The following EDA variants were observed in gnomAD, a reference collection of about 807,000 sequenced individuals.
EDA encodes ectodysplasin-A.
In EDA, 2 loss-of-function variants were observed where a neutral mutation model predicts 23.6. That is an observed-to-expected ratio of 0.08 (90% confidence interval 0.03 to 0.27). The LOEUF (loss-of-function observed/expected upper bound fraction) is 0.27. Ranked by LOEUF, EDA falls within the 10% of genes least tolerant of loss-of-function variation. The pLI, the probability that EDA is intolerant of heterozygous loss-of-function variation, is 1.00. For synonymous variants in EDA, 131 were observed against 132.0 expected (o/e 0.99, Z 0.05); for missense variants, 229 against 324.2 (o/e 0.71, Z 2.26).
intron 1 of EDA, among the ~76,000 whole-genome samples, chrX:69,824,980 G>C (rs1252899298): frequency 1.2e-5 from 1 of 84,183 alleles, no homozygotes; most frequent in Non-Finnish European, 2.2e-5. Context: ...CTTTGGTTCT[G>C]TTTATATGCT....
intron 1 of EDA, among the ~76,000 whole-genome samples, chrX:69,650,086 A>G (rs1423650179): frequency 8.9e-6 from 1 of 111,876 alleles, no homozygotes; most frequent in African/African-American, 3.2e-5. Context: ...GATTTGGAGT[A>G]AGAAGACTTT....
intron 1 of EDA, among the ~76,000 whole-genome samples, chrX:69,650,944 T>C (rs1399456347): frequency 3.6e-5 from 4 of 110,365 alleles, no homozygotes; most frequent in African/African-American, 1.3e-4. Flanking sequence ...TTGGAGGAAC[T>C]AGAAAAAGAG....
In EDA at chrX:69,888,978, T is replaced by TAGATA. The variant is rs1556026049; in HGVS notation, c.397-68049_397-68048insAGATA. On this transcript the variant is annotated intron_variant, in intron 1 of 7. Coordinates refer to ENST00000374552, the MANE Select transcript of EDA (RefSeq NM_001399.5). ...GTGGAATTGTTGTATTGTGGGGTAG[T>TAGATA]TATATATATATATATATATATATAT... 3.6e-3 allele frequency among the ~76,000 whole-genome samples: 57 copies of TAGATA among 16,013 alleles called. 3 individuals carry two copies. Among genetic ancestry groups the TAGATA allele is most frequent in the Non-Finnish European group, 5.3e-3 (51 of 9,676 alleles). 13.9% of individuals were successfully genotyped at this position (16,013 alleles called of 115,157 possible).
At chrX:69,820,384 A>G (rs2016190577) in intron 1 of EDA, among the ~76,000 whole-genome samples, 1 of 112,246 alleles carries the variant, frequency 8.9e-6, no homozygotes, top group African/African-American at 3.2e-5. Flanking sequence ...AAAAGCAAAA[A>G]TTGACAAATG....
rs185741156 is a variant in EDA at position 69,964,739 on chromosome X, C to T, written c.502+7607C>T. ...GCTAGCTCACTTCTGTATGGCTCCTCAAAATATCACAGGCAGATATAGATG... is the reference window on the plus strand; with the variant it reads ...GCTAGCTCACTTCTGTATGGCTCCTTAAAATATCACAGGCAGATATAGATG... On this transcript the variant is annotated intron_variant, in intron 2 of 7. Transcript: ENST00000374552. 8.1e-5 allele frequency among the ~76,000 whole-genome samples: 9 copies of T among 111,228 alleles called. No homozygotes were observed. In the East Asian group the frequency reaches 2.6e-3, roughly 32 times the overall value.
intron 1 of EDA, among the ~76,000 whole-genome samples, chrX:69,686,960 C>T (rs1351708823): frequency 8.9e-6 from 1 of 111,767 alleles, no homozygotes. Context: ...ATTGCTGGGT[C>T]ATATGGTAAC....
intron 1 of EDA, among the ~76,000 whole-genome samples, chrX:69,925,410 A>G (rs1018132152): frequency 1.1e-4 from 12 of 111,777 alleles, no homozygotes; most frequent in African/African-American, 3.3e-4. Flanking sequence ...TGAGATAATC[A>G]TGTGGTTTTT....
chrX:69,997,022 A>G (rs1027263251), intron 2 of EDA, among the ~76,000 whole-genome samples: 1 of 111,579 alleles, frequency 9.0e-6, no homozygotes, highest in East Asian at 2.8e-4. Flanking sequence ...TATCAGCACC[A>G]TGAAATGGAC....
At chrX:69,696,602 T>A (rs768478252) in intron 1 of EDA, among the ~76,000 whole-genome samples, 2 of 112,155 alleles carry the variant, frequency 1.8e-5, no homozygotes, top group South Asian at 7.4e-4. Flanking sequence ...ACAACGGTTG[T>A]TTTCCTTTTA....
chrX:69,827,581 T>G (rs2016484979), intron 1 of EDA, among the ~76,000 whole-genome samples: 1 of 111,816 alleles, frequency 8.9e-6, no homozygotes, highest in South Asian at 3.7e-4. Flanking sequence ...CTGTATTGAT[T>G]ATTCTAGTTA....
chrX:70,018,577 G>A (rs955462889), intron 2 of EDA, among the ~76,000 whole-genome samples: 1 of 111,652 alleles, frequency 9.0e-6, no homozygotes, highest in Non-Finnish European at 1.9e-5. Flanking sequence ...AAAAACAAAC[G>A]ATCTAGAAAG....
At chrX:70,010,223 T>A in intron 2 of EDA, among the ~76,000 whole-genome samples, 1 of 112,478 alleles carries the variant, frequency 8.9e-6, no homozygotes, top group Non-Finnish European at 1.9e-5. Flanking sequence ...AGTCTCCAAC[T>A]AATAGTAGAT....
chrX:69,912,676 A>G (rs758608263), intron 1 of EDA, among the ~76,000 whole-genome samples: 12 of 110,439 alleles, frequency 1.1e-4, no homozygotes, highest in African/African-American at 3.9e-4. Context: ...ATTTCAATAA[A>G]CCATGCTGCA....
intron 2 of EDA, among the ~76,000 whole-genome samples, chrX:69,990,285 C>G (rs998628065): frequency 9.2e-6 from 1 of 109,082 alleles, no homozygotes; most frequent in Non-Finnish European, 1.9e-5. Flanking sequence ...AGGTCCCACA[C>G]TTGGTCTCCT....
chrX:69,875,558 C>T (rs769500935), intron 1 of EDA, among the ~76,000 whole-genome samples: 45 of 112,000 alleles, frequency 4.0e-4, no homozygotes, highest in African/African-American at 1.4e-3. Flanking sequence ...AAAAACCCTT[C>T]TAGACATTGG....
intron 1 of EDA, among the ~76,000 whole-genome samples, chrX:69,824,351 G>C (rs1333732364): frequency 3.7e-5 from 4 of 109,303 alleles, no homozygotes; most frequent in African/African-American, 1.0e-4. Flanking sequence ...TCTTCCATTT[G>C]TTTGTATCCT....
At chrX:69,703,517 C>T (rs2011597103) in intron 1 of EDA, among the ~76,000 whole-genome samples, 1 of 112,379 alleles carries the variant, frequency 8.9e-6, no homozygotes, top group African/African-American at 3.2e-5. Context: ...GAGCAATACG[C>T]TGTTTTAATG....
At chrX:69,806,567 A>G (rs751893142) in intron 1 of EDA, among the ~76,000 whole-genome samples, 5 of 111,441 alleles carry the variant, frequency 4.5e-5, no homozygotes, top group South Asian at 3.8e-4. Context: ...GGAGCATACA[A>G]TAATTTAGTG....
intron 1 of EDA, among the ~76,000 whole-genome samples, chrX:69,646,025 A>G (rs1175882946): frequency 9.0e-6 from 1 of 111,284 alleles, no homozygotes; most frequent in African/African-American, 3.3e-5. Flanking sequence ...AATCTTGAGT[A>G]CTAATTTGAT....
Sources: allele counts gnomAD v4.1 joint callset (sites outside exome capture counted in the v4.1 genomes callset), GRCh38; gene constraint gnomAD v4.1.1; transcripts MANE v1.5; gene names NCBI Gene and HGNC (gene_info 2026-07-23, HGNC 2026-07-21).